Variants in PSMA3 observed in about 807,000 individuals in gnomAD.
The protein encoded by PSMA3 is proteasome 20S subunit alpha 3, also known as proteasome subunit alpha type-3.
A neutral mutation model predicts 40.0 loss-of-function variants in PSMA3; 8 were observed. The observed-to-expected ratio is 0.20, with a 90% CI of 0.12 to 0.36. PSMA3 has a LOEUF of 0.36. Ranked by LOEUF, PSMA3 falls within the 10% of genes least tolerant of loss-of-function variation. The pLI is 1.00. For synonymous variants in PSMA3, 110 were observed against 100.0 expected (o/e 1.10, Z -0.59); for missense variants, 219 against 310.6 (o/e 0.70, Z 2.22).
chr14:58,267,948 G>A (rs1395501704), intron 8 of PSMA3: 1 of 152,518 alleles, frequency 6.6e-6, no homozygotes, highest in Non-Finnish European at 1.5e-5. Context: ...ATTTATTTGG[G>A]AAAGATATGT....
chr14:58,262,082 A>G (rs142513703), intron 6 of PSMA3, among the ~76,000 whole-genome samples: 176 of 152,008 alleles, frequency 1.2e-3, no homozygotes, highest in Non-Finnish European at 2.3e-3. Context: ...GGCATGTACT[A>G]CCATGCCTGG....
At chr14:58,258,030 G>A (rs1173587404) in intron 5 of PSMA3, 32 bp downstream of exon 5, 4 of 1,494,832 alleles carry the variant, frequency 2.7e-6, no homozygotes, top group Non-Finnish European at 3.7e-6. Context: ...TCAAAAGGCA[G>A]ATCTGTACTA....
intron 8 of PSMA3, 115 bp downstream of exon 8, chr14:58,267,635 T>C: frequency 7.7e-7 from 1 of 1,293,236 alleles, no homozygotes; most frequent in Non-Finnish European, 9.9e-7. Context: ...TGTATAATTT[T>C]TAGAAGGTAA....
In PSMA3 at chr14:58,260,964, T is replaced by C; in HGVS notation, c.421T>C (p.Tyr141His). Residue 141 changes from tyrosine to histidine, a missense_variant, in exon 6 of 11, where the codon TAC (tyrosine) becomes CAC (histidine). Transcript: ENST00000216455. ...TTCATGCAGTTTCATGTTAGGGTCT[T>C]ACAGTGTGAATGACGGTGCGCAACT... ...PFGCSFMLGS[Y>H]SVNDGAQLYM... is the part of the protein sequence containing the mutation. 1.2e-6 allele frequency: 2 copies of C among 1,612,508 alleles called. No homozygotes were observed. The highest frequency in any genetic ancestry group is 3.3e-5 in the Admixed American group (2 of 59,992).
At chr14:58,255,828 G>A (rs1048940526) in intron 3 of PSMA3, among the ~76,000 whole-genome samples, 3 of 151,952 alleles carry the variant, frequency 2.0e-5, no homozygotes, top group East Asian at 3.9e-4. Context: ...AGGACCTCTC[G>A]GCACATACAT....
chr14:58,253,664 G>T (rs1890066463), intron 3 of PSMA3, among the ~76,000 whole-genome samples: 1 of 152,168 alleles, frequency 6.6e-6, no homozygotes, highest in Non-Finnish European at 1.5e-5. Context: ...CGCGATCTCA[G>T]CTCACTGCAA....
chr14:58,250,573 G>C (rs1270333376), intron 2 of PSMA3, among the ~76,000 whole-genome samples: 1 of 152,174 alleles, frequency 6.6e-6, no homozygotes, highest in East Asian at 1.9e-4. Context: ...GTTTAAACTT[G>C]CAAGGGGAGC....
At chr14:58,249,295 CCTT>C (rs757856588) in intron 2 of PSMA3, among the ~76,000 whole-genome samples, 20 of 151,960 alleles carry the variant, frequency 1.3e-4, no homozygotes, top group Non-Finnish European at 2.8e-4. Flanking sequence ...ATTAACCTGT[CCTT>C]TGATACTACA....
chr14:58,261,116 AACTC>A, intron 6 of PSMA3, 96 bp downstream of exon 6: 2 of 866,948 alleles, frequency 2.3e-6, no homozygotes, highest in Non-Finnish European at 3.5e-6. Context: ...ATTAAAAAAA[AACTC>A]ATTCAAGGAA....
At chr14:58,259,286 GATAACTTTTTTTC>G (rs1345738327) in intron 5 of PSMA3, among the ~76,000 whole-genome samples, 2 of 152,024 alleles carry the variant, frequency 1.3e-5, no homozygotes, top group Non-Finnish European at 1.5e-5. Context: ...GAATAGTAGA[GATAACTTTTTTTC>G]ATAACTTTTT....
At chr14:58,263,034 G>A (rs1890328345) in intron 6 of PSMA3, among the ~76,000 whole-genome samples, 1 of 146,638 alleles carries the variant, frequency 6.8e-6, no homozygotes, top group South Asian at 2.2e-4. Context: ...CCAGGCTGGA[G>A]TGCAGTGGCG....
At chr14:58,249,956 C>T (rs1374709245) in intron 2 of PSMA3, among the ~76,000 whole-genome samples, 4 of 152,104 alleles carry the variant, frequency 2.6e-5, no homozygotes, top group Non-Finnish European at 4.4e-5. Flanking sequence ...GCGTGAGCCA[C>T]GCCTGTAATC....
intron 7 of PSMA3, 76 bp downstream of exon 7, chr14:58,263,846 T>C: frequency 7.4e-7 from 1 of 1,352,084 alleles, no homozygotes; most frequent in South Asian, 1.2e-5. Flanking sequence ...GACATTTCAG[T>C]CTAAGGCAGG....
chr14:58,252,766 CTAA>C, intron 3 of PSMA3, among the ~76,000 whole-genome samples: 1 of 148,512 alleles, frequency 6.7e-6, no homozygotes, highest in South Asian at 2.1e-4. Context: ...CTGGTATATA[CTAA>C]AGTTACCCTA....
chr14:58,244,911 G>A lies in PSMA3; in HGVS notation c.-10G>A. On this transcript the variant is annotated 5_prime_UTR_variant, in exon 1 of 11. Coordinates refer to ENST00000216455, the MANE Select transcript of PSMA3 (RefSeq NM_002788.4). ...CTGGAATCCCTACGCGTCCCTTTGG[G>A]TTTAGCACGATGAGCTCAATCGGCA... 17 of 1,614,198 alleles carry A rather than the reference G, an allele frequency of 1.1e-5. No homozygotes were observed. The highest frequency in any genetic ancestry group is 1.4e-5 in the Non-Finnish European group (17 of 1,180,028).
chr14:58,257,685 T>C (rs2140086850), intron 3 of PSMA3, 60 bp from the exon 4 acceptor site: 2 of 1,423,592 alleles, frequency 1.4e-6, no homozygotes, highest in East Asian at 4.6e-5. Context: ...CTTTATTAAT[T>C]GCAGACTTTG....
intron 5 of PSMA3, 88 bp from the exon 6 acceptor site, chr14:58,260,860 G>A: frequency 1.1e-6 from 1 of 944,728 alleles, no homozygotes; most frequent in Non-Finnish European, 1.6e-6. Context: ...ATCTCAGAAA[G>A]AAAATATAAC....
chr14:58,250,598 A>G (rs1889988747), intron 2 of PSMA3, among the ~76,000 whole-genome samples: 1 of 152,178 alleles, frequency 6.6e-6, no homozygotes, highest in Non-Finnish European at 1.5e-5. Context: ...GAAGACACCT[A>G]AAGTGTTGGG....
chr14:58,247,251 AT>A (rs1889902359), intron 1 of PSMA3, among the ~76,000 whole-genome samples: 1 of 152,024 alleles, frequency 6.6e-6, no homozygotes, highest in African/African-American at 2.4e-5. Context: ...GCCTTTTCTG[AT>A]TTACTGCTGT....
Sources: gnomAD v4.1 joint callset for allele counts (sites outside exome capture counted in the v4.1 genomes callset) on GRCh38, gnomAD v4.1.1 for gene constraint, MANE v1.5 for transcripts, NCBI Gene and HGNC (gene_info 2026-07-23, HGNC 2026-07-21) for gene names.